Variants in APLF observed in about 807,000 individuals in gnomAD.
APLF encodes aprataxin and PNK-like factor.
Under a neutral mutation model 55.6 loss-of-function variants are expected in APLF, and 61 were observed. The observed-to-expected ratio is 1.10, with a 90% CI of 0.89 to 1.36. APLF has a LOEUF of 1.36. Ranked by LOEUF, APLF falls within the 40% of genes most tolerant of loss-of-function variation. The probability of loss-of-function intolerance (pLI) is 0.00; values close to 1 mark genes in which losing one functional copy is unlikely to be tolerated. For missense variants in APLF, 611 were observed against 602.5 expected (o/e 1.01, Z -0.15); for synonymous variants, 207 against 214.8 (o/e 0.96, Z 0.32).
intron 8 of APLF, among the ~76,000 whole-genome samples, chr2:68,555,728 C>T (rs1025506067): frequency 6.6e-6 from 1 of 152,104 alleles, no homozygotes; most frequent in African/African-American, 2.4e-5. Context: ...ATGTGGTGAA[C>T]AGGGAACACT....
chr2:68,495,041 C>T (rs1367980137), intron 2 of APLF, among the ~76,000 whole-genome samples: 1 of 152,172 alleles, frequency 6.6e-6, no homozygotes, highest in Non-Finnish European at 1.5e-5. Context: ...TAAAATACTT[C>T]CCACCAGGCC....
Position 68,579,280 on chromosome 2 carries a change from A to G in APLF, c.*1258A>G, listed in dbSNP as rs372817220. 3 of 854,136 alleles carry G rather than the reference A, an allele frequency of 3.5e-6. No homozygotes were observed. The highest frequency in any genetic ancestry group is 4.2e-6 in the Non-Finnish European group (3 of 710,664). The allele number at this position is 854,136 out of a possible 1,614,324, so 52.9% of individuals were successfully genotyped here. ...TAAACATTTCTCTAGACTATAACCT[A>G]TTATTCTGATTTTTATCTCTTATTG... On this transcript the variant is annotated 3_prime_UTR_variant, in exon 10 of 10. Coordinates refer to ENST00000303795, the MANE Select transcript of APLF (RefSeq NM_173545.3).
intron 9 of APLF, among the ~76,000 whole-genome samples, chr2:68,567,978 C>T (rs764471523): frequency 6.6e-6 from 1 of 152,052 alleles, no homozygotes; most frequent in Non-Finnish European, 1.5e-5. Context: ...AACCTTGATC[C>T]AATCACCATG....
At chr2:68,557,088 G>A (rs1671037679) in intron 8 of APLF, among the ~76,000 whole-genome samples, 1 of 152,056 alleles carries the variant, frequency 6.6e-6, no homozygotes, top group Non-Finnish European at 1.5e-5. Context: ...ATCTGTCCCT[G>A]GTATCTGCAG....
At chr2:68,499,734 G>A (rs912617453) in intron 2 of APLF, among the ~76,000 whole-genome samples, 5 of 151,972 alleles carry the variant, frequency 3.3e-5, no homozygotes, top group African/African-American at 1.2e-4. Flanking sequence ...AGCTACTCAG[G>A]GGGCTGTGGC....
In APLF at chr2:68,580,066, C is replaced by T. The variant is rs1036487274; in HGVS notation, c.*2044C>T. On this transcript the variant is annotated 3_prime_UTR_variant, in exon 10 of 10. Transcript: ENST00000303795. ...GTAGTAATGTAATAGTTCATGGTAGCTGCTTTTAACGATACAGTTTTAATG... is the reference window on the plus strand; with the variant it reads ...GTAGTAATGTAATAGTTCATGGTAGTTGCTTTTAACGATACAGTTTTAATG... 3.2e-6 allele frequency: 3 copies of T among 930,390 alleles called. No individual in the cohort carries two copies. The highest frequency in any genetic ancestry group is 3.6e-5 in the African/African-American group (2 of 56,088). The allele number at this position is 930,390 out of a possible 1,614,324, so 57.6% of individuals were successfully genotyped here.
intron 8 of APLF, among the ~76,000 whole-genome samples, chr2:68,556,285 C>T (rs554298536): frequency 1.3e-5 from 2 of 152,256 alleles, no homozygotes; most frequent in Admixed American, 6.5e-5. Context: ...ACCAAAATCT[C>T]ACAAGTCACC....
At chr2:68,511,137 A>G (rs527657717) in intron 3 of APLF, among the ~76,000 whole-genome samples, 17 of 151,908 alleles carry the variant, frequency 1.1e-4, no homozygotes, top group African/African-American at 4.1e-4. Flanking sequence ...TAACCACTGG[A>G]TAGTACACTT....
intron 9 of APLF, 75 bp downstream of exon 9, chr2:68,567,462 T>C (rs1474534961): frequency 8.5e-7 from 1 of 1,177,536 alleles, no homozygotes; most frequent in East Asian, 2.5e-5. Context: ...TTTCCAGTTA[T>C]TATGAAAATA....
chr2:68,525,222 G>T lies in APLF; in HGVS notation c.623-839G>T, dbSNP rs182324602. ...GAGGCAGGAGAACTGCTTGAACCAG[G>T]GAGGCAAAGGTTGCAGTGAGCAGAG... is the stretch of plus-strand genomic sequence containing the variant. On this transcript the variant is annotated intron_variant, in intron 5 of 9. Coordinates refer to ENST00000303795, the MANE Select transcript of APLF (RefSeq NM_173545.3). Among the ~76,000 whole-genome samples the T allele has an allele frequency of 2.5e-4, 38 of 152,064 alleles. 3 individuals carry two copies. In the East Asian group the frequency reaches 7.2e-3, roughly 29 times the overall value.
At chr2:68,517,510 ATATT>A (rs1343784564) in intron 5 of APLF, among the ~76,000 whole-genome samples, 1 of 140,438 alleles carries the variant, frequency 7.1e-6, no homozygotes, top group Non-Finnish European at 1.5e-5. Context: ...TTATCACTAT[ATATT>A]AATATATCAA....
chr2:68,513,375 G>T lies in APLF; in HGVS notation c.489+148G>T, dbSNP rs543266642. On this transcript the variant is annotated intron_variant, in intron 4 of 9. Transcript: ENST00000303795. Reference sequence around the variant, plus strand: ...TTTAAGTTAAGCTCTAGAGAATATGGCAGTAATCCAACAGTTAAACTAATA... The same window carrying T: ...TTTAAGTTAAGCTCTAGAGAATATGTCAGTAATCCAACAGTTAAACTAATA... 5 of 1,245,498 alleles carry T rather than the reference G, an allele frequency of 4.0e-6. No individual in the cohort carries two copies. The South Asian group carries it at 7.5e-5, about 19-fold the overall frequency. 77.2% of individuals were successfully genotyped at this position (1,245,498 alleles called of 1,614,324 possible).
chr2:68,518,159 TATA>T (rs1162671127), intron 5 of APLF, among the ~76,000 whole-genome samples: 1 of 124,172 alleles, frequency 8.1e-6, no homozygotes, highest in Non-Finnish European at 1.6e-5. Context: ...ATTATTAATG[TATA>T]ATAGTAATAT....
chr2:68,484,621 G>A (rs951212651), intron 1 of APLF, among the ~76,000 whole-genome samples: 1 of 151,896 alleles, frequency 6.6e-6, no homozygotes, highest in Non-Finnish European at 1.5e-5. Flanking sequence ...GAACCTGGGA[G>A]GCAGAGTTTA....
rs115425551 is a variant in APLF at position 68,492,826 on chromosome 2, T to A, written c.168+2565T>A. Among the ~76,000 whole-genome samples, 1,187 of 152,328 alleles carry A rather than the reference T, an allele frequency of 7.8e-3. 14 individuals are homozygous for A. Among genetic ancestry groups the A allele is most frequent in the African/African-American group, 0.027 (1,132 of 41,570 alleles). ...AAACTAAAATTTGGAATGATTTATT[T>A]AAGTTATACCTCTGTTTATGATCTT... On this transcript the variant is annotated intron_variant, in intron 2 of 9. Coordinates refer to ENST00000303795, the MANE Select transcript of APLF (RefSeq NM_173545.3).
intron 5 of APLF, chr2:68,515,594 A>T (rs749185724): frequency 5.9e-5 from 58 of 984,860 alleles, no homozygotes; most frequent in Non-Finnish European, 6.9e-5. Flanking sequence ...GATGTCCCAC[A>T]TAAAATATGA....
intron 5 of APLF, among the ~76,000 whole-genome samples, chr2:68,516,270 A>G (rs891545014): frequency 6.6e-6 from 1 of 151,520 alleles, no homozygotes; most frequent in Non-Finnish European, 1.5e-5. Context: ...TTTACTCTTT[A>G]TATGTTTGGT....
At chr2:68,519,365 A>G (rs1328772390) in intron 5 of APLF, among the ~76,000 whole-genome samples, 1 of 148,032 alleles carries the variant, frequency 6.8e-6, no homozygotes, top group Non-Finnish European at 1.5e-5. Context: ...TTTAAGTGGT[A>G]CATCTACCAA....
At chr2:68,555,482 A>T (rs1489582533) in intron 8 of APLF, among the ~76,000 whole-genome samples, 1 of 152,140 alleles carries the variant, frequency 6.6e-6, no homozygotes, top group Non-Finnish European at 1.5e-5. Flanking sequence ...AAGCAATCCA[A>T]TCAAAAAGTA....
Sources: allele counts gnomAD v4.1 joint callset (sites outside exome capture counted in the v4.1 genomes callset), GRCh38; gene constraint gnomAD v4.1.1; transcripts MANE v1.5; gene names NCBI Gene and HGNC (gene_info 2026-07-23, HGNC 2026-07-21).